TBC1D8: variants seen among roughly 807,000 people sequenced by gnomAD.
The protein encoded by TBC1D8 is TBC1 domain family member 8.
A neutral mutation model predicts 118.8 loss-of-function variants in TBC1D8; 65 were observed. That is an observed-to-expected ratio of 0.55 (90% confidence interval 0.45 to 0.67). TBC1D8 has a LOEUF of 0.67. Ranked by LOEUF, TBC1D8 falls within the 30% of genes least tolerant of loss-of-function variation. The probability of loss-of-function intolerance (pLI) is 0.00; values close to 1 mark genes in which losing one functional copy is unlikely to be tolerated. For synonymous variants in TBC1D8, 566 were observed against 595.8 expected (o/e 0.95, Z 0.73); for missense variants, 1,376 against 1,471.2 (o/e 0.94, Z 1.06).
intron 2 of TBC1D8, among the ~76,000 whole-genome samples, chr2:101,072,474 A>G (rs1415528077): frequency 1.3e-5 from 2 of 152,186 alleles, no homozygotes; most frequent in South Asian, 2.1e-4. Flanking sequence ...CTCACTCATC[A>G]CCAAGGGGAT....
At chr2:101,075,810 T>C (rs1358446840) in intron 2 of TBC1D8, among the ~76,000 whole-genome samples, 2 of 152,188 alleles carry the variant, frequency 1.3e-5, no homozygotes, top group African/African-American at 4.8e-5. Flanking sequence ...TGGGCTCTAA[T>C]GGGCAGAAGA....
At chr2:101,026,000 T>C (rs933438103) in intron 15 of TBC1D8, among the ~76,000 whole-genome samples, 1 of 152,240 alleles carries the variant, frequency 6.6e-6, no homozygotes, top group Non-Finnish European at 1.5e-5. Context: ...TGGTCCTTCA[T>C]AGGAAGGATA....
At chr2:101,085,179 T>C (rs1675530603) in intron 2 of TBC1D8, among the ~76,000 whole-genome samples, 3 of 152,008 alleles carry the variant, frequency 2.0e-5, no homozygotes, top group Non-Finnish European at 4.4e-5. Flanking sequence ...CTATAACAGT[T>C]TAAATGCTTT....
At chr2:101,012,385 G>A (rs115446453) in intron 17 of TBC1D8, among the ~76,000 whole-genome samples, 332 of 152,294 alleles carry the variant, frequency 2.2e-3, no homozygotes, top group Non-Finnish European at 3.9e-3. Context: ...AAGCACTGAC[G>A]CATGCTACAG....
Position 101,033,650 on chromosome 2 carries a change from C to T in TBC1D8, c.1712G>A (p.Arg571His), listed in dbSNP as rs753560255. ...VTEEIERDLH[R>H]SLPEHPAFQN... ...GAAGGCGGGGTGCTCTGGCAGGGAG[C>T]GGTGCAGGTCTCGTTCTATCTCCTC... Residue 571 changes from arginine (R) to histidine (H), a missense_variant, in exon 10 of 20, where the codon CGC becomes CAC. Arg to His is a conservative substitution (Grantham distance 29). Coordinates refer to ENST00000409318, the MANE Select transcript of TBC1D8 (RefSeq NM_001330348.2). 2.5e-6 allele frequency: 4 copies of T among 1,613,966 alleles called. No individual in the cohort carries two copies. Among genetic ancestry groups the T allele is most frequent in the South Asian group, 1.1e-5 (1 of 91,082 alleles).
At chr2:101,113,525 A>C (rs1677695918) in intron 1 of TBC1D8, among the ~76,000 whole-genome samples, 1 of 152,186 alleles carries the variant, frequency 6.6e-6, no homozygotes. Context: ...TGCACAAATC[A>C]GTTTCCCAGC....
At chr2:101,012,656 T>A (rs1679312295) in intron 17 of TBC1D8, among the ~76,000 whole-genome samples, 1 of 151,842 alleles carries the variant, frequency 6.6e-6, no homozygotes, top group Admixed American at 6.6e-5. Flanking sequence ...AATTGTACGC[T>A]TTAAACGGGT....
At chr2:101,031,711 C>T (rs1242499927) in intron 11 of TBC1D8, among the ~76,000 whole-genome samples, 4 of 152,118 alleles carry the variant, frequency 2.6e-5, no homozygotes, top group Non-Finnish European at 5.9e-5. Flanking sequence ...TAGCAGCCAA[C>T]GAGCTTTCTT....
intron 2 of TBC1D8, among the ~76,000 whole-genome samples, chr2:101,063,995 G>C (rs1682895080): frequency 6.6e-6 from 1 of 152,100 alleles, no homozygotes; most frequent in Admixed American, 6.6e-5. Flanking sequence ...ATGATAAAAA[G>C]CCTACAAATT....
chr2:101,034,533 C>T (rs1680882495), intron 9 of TBC1D8, among the ~76,000 whole-genome samples: 1 of 152,210 alleles, frequency 6.6e-6, no homozygotes, highest in Non-Finnish European at 1.5e-5. Context: ...CCACCCACAG[C>T]CAGAGCTACA....
intron 1 of TBC1D8, among the ~76,000 whole-genome samples, chr2:101,132,122 C>T (rs987791672): frequency 3.3e-5 from 5 of 152,148 alleles, no homozygotes; most frequent in South Asian, 2.1e-4. Flanking sequence ...ACACTCATCC[C>T]CTCTCTGCCA....
intron 4 of TBC1D8, among the ~76,000 whole-genome samples, chr2:101,053,675 A>T (rs1233070201): frequency 6.6e-6 from 1 of 152,122 alleles, no homozygotes; most frequent in Non-Finnish European, 1.5e-5. Context: ...TCAAGGAAAT[A>T]GTGAAGAATT....
At position 101,123,556 on chromosome 2, in the gene TBC1D8, G is replaced by A. The variant is rs1258445381; in HGVS notation, c.127+27571C>T. 8.5e-5 allele frequency among the ~76,000 whole-genome samples: 13 copies of A among 152,246 alleles called. No individual in the cohort carries two copies. In the East Asian group the frequency reaches 2.3e-3, roughly 27 times the overall value. ...CATGTACCTGATCTCACCTGCCCCCGTGACAATCTGTGGAAGCTGTGTTCT... is the reference window on the plus strand; with the variant it reads ...CATGTACCTGATCTCACCTGCCCCCATGACAATCTGTGGAAGCTGTGTTCT... On this transcript the variant is annotated intron_variant, in intron 1 of 19. Coordinates refer to ENST00000409318, the MANE Select transcript of TBC1D8 (RefSeq NM_001330348.2).
chr2:101,011,649 G>A (rs1679222367), intron 17 of TBC1D8, 109 bp from the exon 18 acceptor site: 2 of 1,123,020 alleles, frequency 1.8e-6, no homozygotes, highest in East Asian at 2.5e-5. Context: ...CTCCCAGCCT[G>A]TGGACTGTAG....
In TBC1D8 at chr2:101,029,437, C is replaced by G. The variant is rs1573897035; in HGVS notation, c.2222+54G>C. 6 of 1,570,142 alleles carry G rather than the reference C, an allele frequency of 3.8e-6. No individual in the cohort carries two copies. In the South Asian group the frequency reaches 5.8e-5, roughly 15 times the overall value. The stretch of plus-strand genomic sequence containing the variant: ...TCCCCACCGATAGCCCTGCTGGGCA[C>G]GTGCTGCTGCCTCCTCCATCTCTGG... On this transcript the variant is annotated intron_variant, in intron 12 of 19. Transcript: ENST00000409318.
intron 17 of TBC1D8, among the ~76,000 whole-genome samples, chr2:101,014,649 T>C (rs995257926): frequency 6.6e-6 from 1 of 152,222 alleles, no homozygotes; most frequent in African/African-American, 2.4e-5. Flanking sequence ...ATTCCCATTA[T>C]TAGTTTGGTC....
chr2:101,027,773 C>T (rs963015011), intron 14 of TBC1D8, among the ~76,000 whole-genome samples: 1 of 152,230 alleles, frequency 6.6e-6, no homozygotes, highest in Non-Finnish European at 1.5e-5. Context: ...GCCCCCTGTG[C>T]TAGGCATTAT....
At chr2:101,026,646 G>C (rs1680356290) in intron 15 of TBC1D8, among the ~76,000 whole-genome samples, 1 of 152,110 alleles carries the variant, frequency 6.6e-6, no homozygotes, top group Admixed American at 6.6e-5. Flanking sequence ...TCCCTGCCAG[G>C]CTTGCTTTCT....
chr2:101,032,457 G>GC, intron 10 of TBC1D8, 72 bp from the exon 11 acceptor site: 1 of 1,330,066 alleles, frequency 7.5e-7, no homozygotes, highest in Non-Finnish European at 1.1e-6. Context: ...AAGCATCCAA[G>GC]CCCAAACAAC....
Sources: gnomAD v4.1 joint callset for allele counts (sites outside exome capture counted in the v4.1 genomes callset) on GRCh38, gnomAD v4.1.1 for gene constraint, MANE v1.5 for transcripts, NCBI Gene and HGNC (gene_info 2026-07-23, HGNC 2026-07-21) for gene names.